Variants in ADAM32 observed in about 807,000 individuals in gnomAD.
The protein encoded by ADAM32 is disintegrin and metalloproteinase domain-containing protein 32.
A neutral mutation model predicts 114.9 loss-of-function variants in ADAM32; 89 were observed. That is an observed-to-expected ratio of 0.77 (90% CI 0.65 to 0.92). The LOEUF is 0.92. Among genes scored for constraint, ADAM32 ranks in the 40% least tolerant of loss-of-function variants. The pLI is 0.00. For missense variants in ADAM32, 870 were observed against 932.8 expected, an observed-to-expected ratio of 0.93 and a Z score of 0.88; for synonymous variants, 285 against 307.5, an observed-to-expected ratio of 0.93 and a Z score of 0.77.
At chr8:39,157,579 G>A (rs1804218540) in intron 6 of ADAM32, 6 of 536,336 alleles carry the variant, frequency 1.1e-5, no homozygotes, top group South Asian at 9.0e-5. Flanking sequence ...TTCTTGAGTG[G>A]TCCCATGAAT....
chr8:39,110,291 G>A (rs971825868), intron 1 of ADAM32, among the ~76,000 whole-genome samples: 7 of 152,058 alleles, frequency 4.6e-5, no homozygotes, highest in Admixed American at 1.3e-4. Context: ...GGCTGGTTTC[G>A]AACTCCTGAC....
intron 16 of ADAM32, among the ~76,000 whole-genome samples, chr8:39,238,729 A>G (rs1032082050): frequency 6.6e-6 from 1 of 152,166 alleles, no homozygotes; most frequent in African/African-American, 2.4e-5. Context: ...GATCAGAAAT[A>G]AAAGAAATCA....
intron 11 of ADAM32, among the ~76,000 whole-genome samples, chr8:39,187,462 C>A (rs886923455): frequency 6.6e-5 from 10 of 151,830 alleles, no homozygotes; most frequent in African/African-American, 2.4e-4. Flanking sequence ...TAGTAGAGAC[C>A]GGGTTTCACC....
chr8:39,147,837 G>A (rs920157354), intron 4 of ADAM32, among the ~76,000 whole-genome samples: 1 of 151,652 alleles, frequency 6.6e-6, no homozygotes. Context: ...GCAATGGTGC[G>A]ATCTTGGCTC....
chr8:39,240,191 C>T (rs1392235642), intron 16 of ADAM32, among the ~76,000 whole-genome samples: 1 of 152,148 alleles, frequency 6.6e-6, no homozygotes, highest in African/African-American at 2.4e-5. Context: ...AAATAAGCCT[C>T]AATAAACTTA....
rs559941111 is a variant in ADAM32 at position 39,231,706 on chromosome 8, T to G, written c.1526-321T>G. ...GTTTTTTATGAGTTCACACTCAGAATCTAGAAGAATGGTATAGTTTTCTTG... is the reference window on the plus strand; with the variant it reads ...GTTTTTTATGAGTTCACACTCAGAAGCTAGAAGAATGGTATAGTTTTCTTG... On this transcript the variant is annotated intron_variant, in intron 14 of 24. Coordinates refer to ENST00000379907, the MANE Select transcript of ADAM32 (RefSeq NM_145004.7). Among the ~76,000 whole-genome samples the G allele has an allele frequency of 2.6e-5, 4 of 152,302 alleles. No individual in the cohort carries two copies. The South Asian group carries it at 6.2e-4, about 24-fold the overall frequency.
intron 14 of ADAM32, among the ~76,000 whole-genome samples, chr8:39,226,535 G>GA (rs1201638880): frequency 4.8e-5 from 7 of 146,526 alleles, no homozygotes; most frequent in South Asian, 2.2e-4. Flanking sequence ...AGAAGCAAGA[G>GA]AAAAAAAAAG....
intron 9 of ADAM32, 39 bp from the exon 10 acceptor site, chr8:39,169,873 TTGTC>T: frequency 2.9e-6 from 4 of 1,390,080 alleles, no homozygotes; most frequent in Non-Finnish European, 4.0e-6. Context: ...CATTTTTAAA[TTGTC>T]TGTTAAAATC....
chr8:39,199,722 T>G (rs986618775), intron 11 of ADAM32, among the ~76,000 whole-genome samples: 1 of 152,092 alleles, frequency 6.6e-6, no homozygotes, highest in Admixed American at 6.6e-5. Context: ...GCTGCACCCA[T>G]TAACTCATCA....
chr8:39,137,289 G>A (rs1802859700), intron 3 of ADAM32, among the ~76,000 whole-genome samples: 1 of 152,142 alleles, frequency 6.6e-6, no homozygotes, highest in East Asian at 1.9e-4. Flanking sequence ...AGCTAAACTA[G>A]TAAAACTAGA....
At chr8:39,176,538 G>A (rs1564536841) in intron 10 of ADAM32, among the ~76,000 whole-genome samples, 2 of 152,292 alleles carry the variant, frequency 1.3e-5, no homozygotes, top group Non-Finnish European at 2.9e-5. Context: ...TGATTGTGCT[G>A]TGGTTTGAGA....
intron 3 of ADAM32, 37 bp from the exon 4 acceptor site, chr8:39,147,093 G>T: frequency 3.7e-6 from 3 of 817,054 alleles, no homozygotes; most frequent in South Asian, 3.6e-5. Context: ...GTTTCAAAAA[G>T]AATAATTAAA....
At chr8:39,270,399 G>C (rs1812639166) in intron 19 of ADAM32, among the ~76,000 whole-genome samples, 1 of 152,124 alleles carries the variant, frequency 6.6e-6, no homozygotes, top group African/African-American at 2.4e-5. Flanking sequence ...TCATGGGTGA[G>C]ATGGCTCCTT....
chr8:39,179,312 T>A (rs180816893), intron 10 of ADAM32, among the ~76,000 whole-genome samples: 121 of 152,314 alleles, frequency 7.9e-4, no homozygotes, highest in African/African-American at 2.8e-3. Context: ...TCAGTCAGTC[T>A]CCAGCCTGCT....
intron 10 of ADAM32, among the ~76,000 whole-genome samples, chr8:39,185,346 A>AAAAAACC (rs1554609614): frequency 6.1e-5 from 9 of 146,492 alleles, no homozygotes; most frequent in Admixed American, 4.1e-4. Flanking sequence ...AGTCTACAAA[A>AAAAAACC]AAAAAACAAA....
intron 10 of ADAM32, among the ~76,000 whole-genome samples, chr8:39,184,731 T>C (rs1806110429): frequency 6.6e-6 from 1 of 152,230 alleles, no homozygotes; most frequent in Non-Finnish European, 1.5e-5. Context: ...GGTTTAGTTC[T>C]GGGAATCTGC....
intron 16 of ADAM32, among the ~76,000 whole-genome samples, chr8:39,240,164 T>G (rs1036283360): frequency 6.6e-6 from 1 of 152,184 alleles, no homozygotes; most frequent in South Asian, 2.1e-4. Context: ...CCAAGACTGA[T>G]CATATGATAG....
At chr8:39,253,404 G>A (rs79958865) in intron 17 of ADAM32, among the ~76,000 whole-genome samples, 8,167 of 151,596 alleles carry the variant, frequency 0.054, 755 homozygotes, top group African/African-American at 0.19. Flanking sequence ...TCTTCAACTT[G>A]GTACTGGAAT....
chr8:39,228,168 G>T (rs1349755212), intron 14 of ADAM32, among the ~76,000 whole-genome samples: 1 of 152,184 alleles, frequency 6.6e-6, no homozygotes, highest in East Asian at 1.9e-4. Flanking sequence ...TGGGACAAAA[G>T]AATCTGAACA....
Sources: allele counts gnomAD v4.1 joint callset (sites outside exome capture counted in the v4.1 genomes callset), GRCh38; gene constraint gnomAD v4.1.1; transcripts MANE v1.5; gene names NCBI Gene and HGNC (gene_info 2026-07-23, HGNC 2026-07-21).